The following PAQR5 variants were observed in gnomAD, a reference collection of about 807,000 sequenced individuals.
The protein encoded by PAQR5 is membrane progestin receptor gamma.
PAQR5 carries 20 observed loss-of-function variants against 34.5 expected under a neutral mutation model. The ratio of observed to expected loss-of-function variants is 0.58; its 90% confidence interval spans 0.41 to 0.84. The LOEUF is 0.84. Among genes scored for constraint, PAQR5 ranks in the 40% least tolerant of loss-of-function variants. PAQR5 has a pLI of 0.00. For synonymous variants in PAQR5, 131 were observed against 155.6 expected, an observed-to-expected ratio of 0.84 and a Z score of 1.18; for missense variants, 378 against 412.7, an observed-to-expected ratio of 0.92 and a Z score of 0.73.
intron 1 of PAQR5, among the ~76,000 whole-genome samples, chr15:69,326,638 T>C (rs1364514944): frequency 1.3e-5 from 2 of 152,202 alleles, no homozygotes; most frequent in Non-Finnish European, 2.9e-5. Context: ...GGTTTTGCCA[T>C]GTTGGCCAGG....
intron 2 of PAQR5, among the ~76,000 whole-genome samples, chr15:69,358,666 G>A (rs1270875412): frequency 1.9e-5 from 2 of 106,570 alleles, no homozygotes; most frequent in African/African-American, 8.5e-5. Context: ...GATTCTTGCT[G>A]TGTTGCTCTG....
intron 1 of PAQR5, chr15:69,314,551 C>T (rs1339009602): frequency 1.3e-5 from 2 of 152,418 alleles, no homozygotes; most frequent in African/African-American, 2.4e-5. Context: ...CATTCCCCCC[C>T]ATGGATGATA....
Position 69,400,085 on chromosome 15 carries a change from C to A in PAQR5, c.721C>A (p.Arg241Ser), listed in dbSNP as rs746594780. 4.3e-6 allele frequency: 7 copies of A among 1,614,096 alleles called. No homozygotes were observed. The highest frequency in any genetic ancestry group is 5.9e-6 in the Non-Finnish European group (7 of 1,179,968). ...SFLYSAHLPE[R>S]LAPGRFDYIG... ...CTTGTACTCTGCACATCTGCCAGAA[C>A]GCCTAGCCCCTGGACGCTTTGACTA... is the stretch of plus-strand genomic sequence containing the variant. The change falls in exon 8 of 9, where the codon CGC becomes AGC. Residue 241 changes from arginine (R) to serine (S), a missense_variant. Physicochemically the swap from Arg to Ser is moderately radical, Grantham distance 110. Transcript: ENST00000395407.
chr15:69,379,950 T>C lies in PAQR5; in HGVS notation c.119T>C (p.Leu40Pro). The change falls in exon 4 of 9, where the codon CTC (leucine) becomes CCC (proline). Residue 40 changes from leucine to proline, a missense_variant. Coordinates refer to ENST00000395407, the MANE Select transcript of PAQR5 (RefSeq NM_017705.4). ...CAGAGTTCTGCCACTGCCTGCATCCTCAGCCTTTTCCAAATGACCAATGAG... is the reference window on the plus strand; with the variant it reads ...CAGAGTTCTGCCACTGCCTGCATCCCCAGCCTTTTCCAAATGACCAATGAG... Reference protein sequence around the residue: ...HPQSSATACILSLFQMTNETL... With the variant: ...HPQSSATACIPSLFQMTNETL... The C allele has an allele frequency of 1.9e-6, 3 of 1,614,212 alleles. No individual in the cohort carries two copies. The highest frequency in any genetic ancestry group is 2.5e-6 in the Non-Finnish European group (3 of 1,180,008).
rs148924421 is a variant in PAQR5 at position 69,341,081 on chromosome 15, A to G, written c.-116+3580A>G. Among the ~76,000 whole-genome samples the G allele has an allele frequency of 3.8e-4, 58 of 151,816 alleles. 1 individual carries two copies. In the East Asian group the frequency reaches 0.011, roughly 29 times the overall value. ...ATTCGTTGGTATTGAGTACATTCAC[A>G]TTGCTGTGCACCTATGACCACCATC... On this transcript the variant is annotated intron_variant, in intron 2 of 8. Coordinates refer to ENST00000395407, the MANE Select transcript of PAQR5 (RefSeq NM_017705.4).
chr15:69,343,315 T>G (rs1360542276), intron 2 of PAQR5, among the ~76,000 whole-genome samples: 1 of 152,216 alleles, frequency 6.6e-6, no homozygotes, highest in African/African-American at 2.4e-5. Flanking sequence ...GTTCCTTTAT[T>G]AGGATAATAG....
At chr15:69,358,974 T>C (rs1045536801) in intron 2 of PAQR5, among the ~76,000 whole-genome samples, 1 of 152,102 alleles carries the variant, frequency 6.6e-6, no homozygotes, top group African/African-American at 2.4e-5. Context: ...TCACAAAATA[T>C]CTAAGACTGG....
intron 3 of PAQR5, among the ~76,000 whole-genome samples, chr15:69,376,331 A>AT (rs112333240): frequency 0.024 from 3,677 of 152,324 alleles, 159 homozygotes; most frequent in African/African-American, 0.083. Context: ...GTCTTCAAAT[A>AT]TTAGTTTGTC....
At chr15:69,331,934 G>C (rs1195358238) in intron 1 of PAQR5, among the ~76,000 whole-genome samples, 2 of 152,130 alleles carry the variant, frequency 1.3e-5, no homozygotes, top group Non-Finnish European at 1.5e-5. Context: ...CTTGTAAGTG[G>C]CTTGAACCTC....
At chr15:69,345,961 G>C (rs531870840) in intron 2 of PAQR5, among the ~76,000 whole-genome samples, 1 of 152,234 alleles carries the variant, frequency 6.6e-6, no homozygotes, top group African/African-American at 2.4e-5. Context: ...TAAAACAAAT[G>C]AAATCTTATA....
chr15:69,311,253 A>G (rs1431894212), intron 1 of PAQR5, among the ~76,000 whole-genome samples: 1 of 151,842 alleles, frequency 6.6e-6, no homozygotes, highest in Non-Finnish European at 1.5e-5. Context: ...TTGGATGGCT[A>G]CACGTTGAAA....
intron 1 of PAQR5, among the ~76,000 whole-genome samples, chr15:69,302,982 C>T (rs1424025151): frequency 6.6e-6 from 1 of 152,184 alleles, no homozygotes; most frequent in African/African-American, 2.4e-5. Flanking sequence ...TTCTGATGGC[C>T]TATAGATTTC....
chr15:69,396,144 T>A (rs183778331), intron 6 of PAQR5, among the ~76,000 whole-genome samples: 49 of 150,918 alleles, frequency 3.2e-4, no homozygotes, highest in African/African-American at 1.1e-3. Context: ...AATGTGGAAG[T>A]CCCTGCATAC....
intron 1 of PAQR5, among the ~76,000 whole-genome samples, chr15:69,332,697 C>T (rs540043863): frequency 2.1e-5 from 3 of 141,114 alleles, no homozygotes; most frequent in South Asian, 2.4e-4. Flanking sequence ...ACCCCCACCC[C>T]GGCCAACCCA....
At chr15:69,323,778 G>C (rs1372669700) in intron 1 of PAQR5, among the ~76,000 whole-genome samples, 1 of 150,846 alleles carries the variant, frequency 6.6e-6, no homozygotes, top group East Asian at 1.9e-4. Flanking sequence ...GAGCCACAAT[G>C]AACAGCCTTC....
chr15:69,326,013 C>A (rs988116834), intron 1 of PAQR5, among the ~76,000 whole-genome samples: 29 of 152,160 alleles, frequency 1.9e-4, no homozygotes, highest in Admixed American at 1.4e-3. Context: ...GTATCTGTAG[C>A]CTCAACTTCT....
intron 2 of PAQR5, among the ~76,000 whole-genome samples, chr15:69,354,654 T>A (rs1233593771): frequency 6.6e-6 from 1 of 152,150 alleles, no homozygotes; most frequent in African/African-American, 2.4e-5. Flanking sequence ...GGGGGTAGAC[T>A]TGTGATGGTT....
At position 69,368,014 on chromosome 15, in the gene PAQR5, G is replaced by A. The variant is rs186705203; in HGVS notation, c.51+7883G>A. ...TGGCTCAGTTCGGAAGAGTCCTTCCGAAAGGTCCTTCAGAAGTTTGTAGTG... is the reference window on the plus strand; with the variant it reads ...TGGCTCAGTTCGGAAGAGTCCTTCCAAAAGGTCCTTCAGAAGTTTGTAGTG... On this transcript the variant is annotated intron_variant, in intron 3 of 8. Transcript: ENST00000395407. 2.9e-3 allele frequency among the ~76,000 whole-genome samples: 445 copies of A among 151,924 alleles called. 2 individuals carry two copies. Among genetic ancestry groups the A allele is most frequent in the African/African-American group, 8.3e-3 (345 of 41,436 alleles).
chr15:69,366,100 G>A (rs890879330), intron 3 of PAQR5, among the ~76,000 whole-genome samples: 14 of 152,104 alleles, frequency 9.2e-5, no homozygotes, highest in East Asian at 1.9e-4. Context: ...AACTACACCC[G>A]TTAGCAGCCA....
Sources: gnomAD v4.1 joint callset for allele counts (sites outside exome capture counted in the v4.1 genomes callset) on GRCh38, gnomAD v4.1.1 for gene constraint, MANE v1.5 for transcripts, NCBI Gene and HGNC (gene_info 2026-07-23, HGNC 2026-07-21) for gene names.